C1orf21: variants seen among roughly 807,000 people sequenced by gnomAD.
C1orf21 encodes uncharacterized protein C1orf21.
C1orf21 carries 3 observed loss-of-function variants against 18.7 expected under a neutral mutation model. The ratio of observed to expected loss-of-function variants is 0.16; its 90% confidence interval spans 0.07 to 0.42. The LOEUF is 0.42. Ranked by LOEUF, C1orf21 falls within the 10% of genes least tolerant of loss-of-function variation. C1orf21 has a pLI of 0.99. For missense variants in C1orf21, 104 were observed against 143.6 expected (o/e 0.72, Z 1.41); for synonymous variants, 41 against 46.4 (o/e 0.88, Z 0.47).
chr1:184,391,185 A>C (rs1655966420), intron 1 of C1orf21, among the ~76,000 whole-genome samples: 1 of 152,232 alleles, frequency 6.6e-6, no homozygotes, highest in South Asian at 2.1e-4. Flanking sequence ...GGTTGGAGGT[A>C]AACTGGGCTA....
chr1:184,593,307 GTGTA>G (rs1659467629), intron 4 of C1orf21, among the ~76,000 whole-genome samples: 1 of 152,134 alleles, frequency 6.6e-6, no homozygotes, highest in Middle Eastern at 3.4e-3. Context: ...ACACACATGT[GTGTA>G]TGTATTTCAA....
At chr1:184,536,848 G>GAAA (rs35408747) in intron 3 of C1orf21, among the ~76,000 whole-genome samples, 1,502 of 145,016 alleles carry the variant, frequency 0.01, 28 homozygotes, top group African/African-American at 0.033. Flanking sequence ...TTCTTTTGTG[G>GAAA]AAAAAAAAAA....
intron 1 of C1orf21, among the ~76,000 whole-genome samples, chr1:184,476,033 C>T (rs1460156758): frequency 1.3e-5 from 2 of 152,090 alleles, no homozygotes; most frequent in East Asian, 1.9e-4. Context: ...TTTGTATTTG[C>T]TTGGCTTAAT....
intron 1 of C1orf21, among the ~76,000 whole-genome samples, chr1:184,410,947 T>A (rs1656342261): frequency 6.6e-6 from 1 of 151,274 alleles, no homozygotes. Context: ...CCACCGCGCC[T>A]GGCCTCGAAA....
At chr1:184,455,109 A>G (rs1657178682) in intron 1 of C1orf21, among the ~76,000 whole-genome samples, 3 of 152,096 alleles carry the variant, frequency 2.0e-5, no homozygotes, top group African/African-American at 7.2e-5. Context: ...AAGTGAATAA[A>G]CACTTTGGGC....
intron 2 of C1orf21, among the ~76,000 whole-genome samples, chr1:184,482,969 T>G (rs1266314303): frequency 6.6e-6 from 1 of 152,234 alleles, no homozygotes; most frequent in African/African-American, 2.4e-5. Flanking sequence ...AATGGGCATC[T>G]TGACTCCTAG....
intron 2 of C1orf21, among the ~76,000 whole-genome samples, chr1:184,489,321 G>A (rs2101955276): frequency 6.6e-6 from 1 of 152,108 alleles, no homozygotes; most frequent in East Asian, 1.9e-4. Flanking sequence ...AAAATATAAA[G>A]GGACAAAAGA....
chr1:184,398,455 C>T (rs771479366), intron 1 of C1orf21, among the ~76,000 whole-genome samples: 27 of 152,182 alleles, frequency 1.8e-4, no homozygotes, highest in Non-Finnish European at 2.8e-4. Context: ...CTGCCCCCTT[C>T]CTCGTACACT....
chr1:184,459,775 G>T (rs1337889562), intron 1 of C1orf21, among the ~76,000 whole-genome samples: 3 of 152,178 alleles, frequency 2.0e-5, no homozygotes, highest in Non-Finnish European at 4.4e-5. Flanking sequence ...AGAGCTGCGA[G>T]CCCTAGGAGG....
chr1:184,568,133 C>G (rs1659059338), intron 3 of C1orf21, among the ~76,000 whole-genome samples: 2 of 152,186 alleles, frequency 1.3e-5, no homozygotes, highest in African/African-American at 4.8e-5. Flanking sequence ...ACCCTTGAGG[C>G]TAGAGCCCAG....
intron 1 of C1orf21, among the ~76,000 whole-genome samples, chr1:184,391,432 C>T (rs1199985693): frequency 6.6e-6 from 1 of 152,158 alleles, no homozygotes; most frequent in Non-Finnish European, 1.5e-5. Flanking sequence ...CCCTTTTGCT[C>T]ATCTCAGCAA....
At chr1:184,500,561 C>T (rs1657960177) in intron 2 of C1orf21, among the ~76,000 whole-genome samples, 3 of 152,136 alleles carry the variant, frequency 2.0e-5, no homozygotes, top group Admixed American at 2.0e-4. Context: ...TCATCCTGTG[C>T]ATATGCATCT....
At chr1:184,418,756 GTTTGTTGAGGC>G (rs1377162162) in intron 1 of C1orf21, among the ~76,000 whole-genome samples, 1 of 152,208 alleles carries the variant, frequency 6.6e-6, no homozygotes, top group East Asian at 1.9e-4. Context: ...GGCAGCACCA[GTTTGTTGAGGC>G]TTAGTGAAGA....
At chr1:184,499,150 T>G (rs1317224480) in intron 2 of C1orf21, among the ~76,000 whole-genome samples, 2 of 151,908 alleles carry the variant, frequency 1.3e-5, no homozygotes, top group Non-Finnish European at 1.5e-5. Flanking sequence ...CCTCCTCCCC[T>G]TCCTCCTCCT....
At chr1:184,484,989 A>G (rs1657712846) in intron 2 of C1orf21, among the ~76,000 whole-genome samples, 2 of 152,114 alleles carry the variant, frequency 1.3e-5, no homozygotes, top group South Asian at 4.1e-4. Flanking sequence ...GTTATGGTGA[A>G]AATTAAATGA....
At chr1:184,547,787 T>C (rs1453713331) in intron 3 of C1orf21, among the ~76,000 whole-genome samples, 1 of 152,236 alleles carries the variant, frequency 6.6e-6, no homozygotes, top group Non-Finnish European at 1.5e-5. Flanking sequence ...TACTGGAGTA[T>C]GCTCCTCTCT....
At chr1:184,480,431 G>A (rs1362664695) in intron 2 of C1orf21, among the ~76,000 whole-genome samples, 1 of 152,142 alleles carries the variant, frequency 6.6e-6, no homozygotes, top group Non-Finnish European at 1.5e-5. Context: ...GCAAGATTTG[G>A]TGATATTCAA....
intron 3 of C1orf21, among the ~76,000 whole-genome samples, chr1:184,574,944 A>C (rs1224042012): frequency 1.3e-5 from 2 of 152,202 alleles, no homozygotes; most frequent in African/African-American, 4.8e-5. Flanking sequence ...ATGCACACCA[A>C]ATTCGAGGGC....
At chr1:184,393,262 C>T (rs1384262805) in intron 1 of C1orf21, among the ~76,000 whole-genome samples, 1 of 152,198 alleles carries the variant, frequency 6.6e-6, no homozygotes, top group African/African-American at 2.4e-5. Context: ...CACCTATCTG[C>T]CTGACAGTAG....
Sources: allele counts gnomAD v4.1 joint callset (sites outside exome capture counted in the v4.1 genomes callset), GRCh38; gene constraint gnomAD v4.1.1; transcripts MANE v1.5; gene names NCBI Gene and HGNC (gene_info 2026-07-23, HGNC 2026-07-21).